UGT8: variants seen among roughly 807,000 people sequenced by gnomAD.
UGT8 encodes the protein UDP glycosyltransferase 8.
UGT8 carries 12 observed loss-of-function variants against 40.5 expected under a neutral mutation model. The observed-to-expected ratio is 0.30, with a 90% CI of 0.19 to 0.48. The LOEUF (loss-of-function observed/expected upper bound fraction) is 0.48. UGT8 is among the 20% of genes least tolerant of loss of function. The pLI is 0.99. For missense variants in UGT8, 513 were observed against 648.7 expected, an observed-to-expected ratio of 0.79 and a Z score of 2.27; for synonymous variants, 224 against 240.4, an observed-to-expected ratio of 0.93 and a Z score of 0.63.
intron 1 of UGT8, among the ~76,000 whole-genome samples, chr4:114,612,525 A>AAATTGCAC (rs1192898141): frequency 6.6e-6 from 1 of 152,212 alleles, no homozygotes; most frequent in African/African-American, 2.4e-5. Flanking sequence ...TCCATTAAAA[A>AAATTGCAC]AATTGCACAT....
chr4:114,610,890 A>G (rs1221892522), intron 1 of UGT8, among the ~76,000 whole-genome samples: 2 of 152,178 alleles, frequency 1.3e-5, no homozygotes, highest in Non-Finnish European at 2.9e-5. Flanking sequence ...GTGATAGTAA[A>G]GAAAGAATAT....
chr4:114,660,709 G>A (rs529154203), intron 2 of UGT8, among the ~76,000 whole-genome samples: 72 of 151,948 alleles, frequency 4.7e-4, no homozygotes, highest in South Asian at 4.2e-4. Flanking sequence ...TGGCTAACAC[G>A]GTGAAACCCC....
At chr4:114,603,251 G>A (rs1730541996) in intron 1 of UGT8, among the ~76,000 whole-genome samples, 1 of 152,162 alleles carries the variant, frequency 6.6e-6, no homozygotes, top group South Asian at 2.1e-4. Flanking sequence ...TCGAACTGGA[G>A]ATGTGTGTCC....
chr4:114,642,342 A>G (rs1430347324), intron 2 of UGT8, among the ~76,000 whole-genome samples: 1 of 152,134 alleles, frequency 6.6e-6, no homozygotes, highest in African/African-American at 2.4e-5. Context: ...AAAGTGAGAA[A>G]GCACCATTTT....
At chr4:114,664,827 G>C (rs182410969) in intron 3 of UGT8, among the ~76,000 whole-genome samples, 2 of 152,290 alleles carry the variant, frequency 1.3e-5, no homozygotes, top group Non-Finnish European at 2.9e-5. Flanking sequence ...TACAACGTCG[G>C]TCCCATAGTT....
At chr4:114,620,297 C>A (rs1047386383) in intron 1 of UGT8, among the ~76,000 whole-genome samples, 1 of 152,160 alleles carries the variant, frequency 6.6e-6, no homozygotes, top group Non-Finnish European at 1.5e-5. Context: ...ACTCACCTCT[C>A]GAATATGCAA....
At chr4:114,621,504 A>G (rs1259557820) in intron 1 of UGT8, among the ~76,000 whole-genome samples, 1 of 152,148 alleles carries the variant, frequency 6.6e-6, no homozygotes. Flanking sequence ...CAAAATAATT[A>G]TTTTCTAAAA....
At chr4:114,625,725 G>A (rs1032713341) in intron 2 of UGT8, among the ~76,000 whole-genome samples, 1 of 151,834 alleles carries the variant, frequency 6.6e-6, no homozygotes, top group Non-Finnish European at 1.5e-5. Flanking sequence ...ATTTTTTTCT[G>A]TCATGGATTC....
intron 4 of UGT8, among the ~76,000 whole-genome samples, chr4:114,666,371 TAA>T (rs1734880016): frequency 6.6e-6 from 1 of 152,148 alleles, no homozygotes; most frequent in East Asian, 1.9e-4. Flanking sequence ...GCGTATCTTT[TAA>T]GTGTGTTTTT....
In UGT8 at chr4:114,663,998, C is replaced by A. The variant is rs1368638945; in HGVS notation, c.826C>A (p.Leu276Ile). 6.2e-7 allele frequency: 1 copy of A among 1,613,522 alleles called. No homozygotes were observed. The highest frequency in any genetic ancestry group is 8.5e-7 in the Non-Finnish European group (1 of 1,179,666). ...ACTGCCATGTTTTGATTTACAGGAT[C>A]TCCAAAGATGGGTAAATGGTGCTAA... is the stretch of plus-strand genomic sequence containing the variant. The part of the protein sequence containing the change: ...TKPASPLPED[L>I]QRWVNGANEH... The change falls in exon 3 of 6, where the codon CTC becomes ATC. Residue 276 changes from leucine to isoleucine, a missense_variant. Physicochemically the swap from Leu to Ile is conservative, Grantham distance 5. Coordinates refer to ENST00000310836, the MANE Select transcript of UGT8 (RefSeq NM_001128174.3).
At chr4:114,658,446 G>A (rs1447623872) in intron 2 of UGT8, among the ~76,000 whole-genome samples, 1 of 152,150 alleles carries the variant, frequency 6.6e-6, no homozygotes, top group African/African-American at 2.4e-5. Context: ...AGAAAAGAGT[G>A]GGTTTGGGTT....
intron 1 of UGT8, among the ~76,000 whole-genome samples, chr4:114,619,076 A>G (rs1279475005): frequency 6.6e-6 from 1 of 152,070 alleles, no homozygotes; most frequent in Non-Finnish European, 1.5e-5. Flanking sequence ...TCAAAAATGT[A>G]TTCTCTCTTC....
At chr4:114,605,048 G>A (rs1730657409) in intron 1 of UGT8, among the ~76,000 whole-genome samples, 1 of 152,008 alleles carries the variant, frequency 6.6e-6, no homozygotes, top group Admixed American at 6.6e-5. Flanking sequence ...GTCAGTTTTA[G>A]ACTATATATT....
intron 2 of UGT8, among the ~76,000 whole-genome samples, chr4:114,661,244 T>G (rs1734514144): frequency 6.6e-6 from 1 of 152,162 alleles, no homozygotes; most frequent in Admixed American, 6.5e-5. Flanking sequence ...CTTTTACTTG[T>G]AAAAATGTTA....
At chr4:114,665,784 T>A in intron 4 of UGT8, 28 bp downstream of exon 4, 1 of 1,570,792 alleles carries the variant, frequency 6.4e-7, no homozygotes, top group Non-Finnish European at 8.6e-7. Flanking sequence ...GGTTACTTAC[T>A]TGGCTGTTAG....
intron 2 of UGT8, among the ~76,000 whole-genome samples, chr4:114,663,356 A>C (rs997590971): frequency 1.3e-5 from 2 of 152,074 alleles, no homozygotes; most frequent in Non-Finnish European, 2.9e-5. Context: ...TCATCAATGC[A>C]CAGCAAGTGT....
intron 2 of UGT8, among the ~76,000 whole-genome samples, chr4:114,658,648 T>A (rs1387457243): frequency 6.6e-6 from 1 of 152,204 alleles, no homozygotes; most frequent in Non-Finnish European, 1.5e-5. Context: ...GCTCATTTTT[T>A]AAGAAGCTAC....
chr4:114,644,826 A>C (rs1029846789), intron 2 of UGT8, among the ~76,000 whole-genome samples: 1 of 152,106 alleles, frequency 6.6e-6, no homozygotes, highest in Non-Finnish European at 1.5e-5. Context: ...ACATCTCTGC[A>C]TGGTCCCTCT....
chr4:114,600,002 C>T (rs1730348519), intron 1 of UGT8, among the ~76,000 whole-genome samples: 1 of 152,096 alleles, frequency 6.6e-6, no homozygotes, highest in Non-Finnish European at 1.5e-5. Context: ...GTACCTGTAC[C>T]GCGAGTTCCC....
Sources: allele counts gnomAD v4.1 joint callset (sites outside exome capture counted in the v4.1 genomes callset), GRCh38; gene constraint gnomAD v4.1.1; transcripts MANE v1.5; gene names NCBI Gene and HGNC (gene_info 2026-07-23, HGNC 2026-07-21).